COL21A1: variants seen among roughly 807,000 people sequenced by gnomAD.
COL21A1 encodes collagen type XXI alpha 1 chain, also known as collagen alpha-1(XXI) chain.
COL21A1 carries 149 observed loss-of-function variants against 137.9 expected under a neutral mutation model. The ratio of observed to expected loss-of-function variants is 1.08; its 90% CI spans 0.95 to 1.24. COL21A1 has a LOEUF of 1.24. Ranked by LOEUF, COL21A1 falls within the 50% of genes most tolerant of loss-of-function variation. The pLI, the probability that COL21A1 is intolerant of heterozygous loss-of-function variation, is 0.00. For missense variants in COL21A1, 1,167 were observed against 1,158.4 expected (o/e 1.01, Z -0.11); for synonymous variants, 456 against 391.5 (o/e 1.16, Z -1.95).
At position 56,168,217 on chromosome 6, in the gene COL21A1, T is replaced by C. The variant is rs767958031; in HGVS notation, c.1107A>G (p.Gln369=). ...QDVTLYIDDQ[Q]IENKPLHPVL... is the part of the protein sequence containing the mutation. Reference sequence around the variant, plus strand: ...CTGGATGTAAGGGCTTGTTTTCAATTTGTTGGTCATCAATATACAAAGTCA... The same window carrying C: ...CTGGATGTAAGGGCTTGTTTTCAATCTGTTGGTCATCAATATACAAAGTCA... The change falls in exon 6 of 30, where the codon CAA becomes CAG. Residue 369 remains glutamine, a synonymous_variant. Coordinates refer to ENST00000244728, the MANE Select transcript of COL21A1 (RefSeq NM_030820.4). 1.9e-5 allele frequency: 30 copies of C among 1,571,398 alleles called. No individual in the cohort carries two copies. Among genetic ancestry groups the C allele is most frequent in the Non-Finnish European group, 2.2e-5 (25 of 1,155,954 alleles).
rs1267319377 is a variant in COL21A1 at position 56,117,544 on chromosome 6, C to A, written c.1758+6518G>T. On this transcript the variant is annotated intron_variant, in intron 16 of 29. Transcript: ENST00000244728. ...ACAGATTTTCCAGATAGAAAATCAACAAAGAAACATTAGACTTAATCTGCA... is the reference window on the plus strand; with the variant it reads ...ACAGATTTTCCAGATAGAAAATCAAAAAAGAAACATTAGACTTAATCTGCA... 9.2e-5 allele frequency among the ~76,000 whole-genome samples: 14 copies of A among 151,918 alleles called. No individual in the cohort carries two copies. In the East Asian group the frequency reaches 2.7e-3, roughly 29 times the overall value.
In COL21A1 at chr6:56,166,761, C is replaced by T. The variant is rs747596171; in HGVS notation, c.1278+145G>A. Reference sequence around the variant, plus strand: ...AATTATAACCTCAAAATATGTTTTGCTTCATGTAACTTCACTTCCACTAAC... The same window carrying T: ...AATTATAACCTCAAAATATGTTTTGTTTCATGTAACTTCACTTCCACTAAC... On this transcript the variant is annotated intron_variant, in intron 7 of 29. Coordinates refer to ENST00000244728, the MANE Select transcript of COL21A1 (RefSeq NM_030820.4). 6 of 724,294 alleles carry T rather than the reference C, an allele frequency of 8.3e-6. No individual in the cohort carries two copies. In the African/African-American group the frequency reaches 8.7e-5, roughly 11 times the overall value. The allele number at this position is 724,294 out of a possible 1,614,324, so 44.9% of individuals were successfully genotyped here. A position where few individuals can be genotyped will look rare whatever the true frequency, so the allele number is the denominator to read the frequency against.
intron 1 of COL21A1, among the ~76,000 whole-genome samples, chr6:56,257,214 CTTTGT>C (rs1763108517): frequency 1.3e-5 from 2 of 152,266 alleles, no homozygotes; most frequent in Admixed American, 6.5e-5. Context: ...ATGATTAACA[CTTTGT>C]TTTATTATTG....
At chr6:56,156,593 G>A (rs1172382158) in intron 10 of COL21A1, among the ~76,000 whole-genome samples, 1 of 152,132 alleles carries the variant, frequency 6.6e-6, no homozygotes. Flanking sequence ...TTAGTAAAGG[G>A]AGATGGCCTG....
chr6:56,197,620 C>G (rs76915814), intron 1 of COL21A1, among the ~76,000 whole-genome samples: 10,340 of 152,080 alleles, frequency 0.068, 415 homozygotes, highest in South Asian at 0.12. Flanking sequence ...ATCACTACAT[C>G]ACTAGTTATC....
At position 56,345,274 on chromosome 6, in the gene COL21A1, G is replaced by T. The variant is rs539973870; in HGVS notation, c.-39+48697C>A. ...AAAGAATGCAACTGTGAAATAAGGT[G>T]CATGACTGCTGGGGGGAGATATTTG... On this transcript the variant is annotated intron_variant, in intron 1 of 28. Transcript: ENST00000370819. Among the ~76,000 whole-genome samples, 50 of 152,316 alleles carry T rather than the reference G, an allele frequency of 3.3e-4. No homozygotes were observed. In the South Asian group the frequency reaches 0.01, roughly 31 times the overall value.
intron 1 of COL21A1, among the ~76,000 whole-genome samples, chr6:56,301,684 T>C (rs1000571906): frequency 1.3e-5 from 2 of 151,296 alleles, no homozygotes; most frequent in Admixed American, 1.3e-4. Context: ...ACTAACCACA[T>C]GTGGCTATTT....
rs370717523 is a variant in COL21A1, at chr6:56,063,088, A to G, written c.2173-1407T>C. 2.6e-5 allele frequency among the ~76,000 whole-genome samples: 4 copies of G among 152,168 alleles called. No homozygotes were observed. In the East Asian group the frequency reaches 5.8e-4, roughly 22 times the overall value. On this transcript the variant is annotated intron_variant, in intron 24 of 29. Coordinates refer to ENST00000244728, the MANE Select transcript of COL21A1 (RefSeq NM_030820.4). Reference sequence around the variant, plus strand: ...AGCAACAGCTGCTCTGGCCCTGGGTACTCCATGTAGGCTAAGCTCCTGGTG... The same window carrying G: ...AGCAACAGCTGCTCTGGCCCTGGGTGCTCCATGTAGGCTAAGCTCCTGGTG...
chr6:56,065,976 G>A (rs550538135), intron 23 of COL21A1, among the ~76,000 whole-genome samples: 3 of 152,032 alleles, frequency 2.0e-5, no homozygotes, highest in African/African-American at 7.2e-5. Flanking sequence ...GAGGTAGAAG[G>A]TGTCAAGTTC....
chr6:56,321,324 T>C (rs1764862143), intron 1 of COL21A1, among the ~76,000 whole-genome samples: 1 of 152,172 alleles, frequency 6.6e-6, no homozygotes, highest in Non-Finnish European at 1.5e-5. Flanking sequence ...AAAAATTGGG[T>C]TCTCTAGGTT....
At chr6:56,289,373 C>T (rs1318995802) in intron 1 of COL21A1, among the ~76,000 whole-genome samples, 1 of 152,166 alleles carries the variant, frequency 6.6e-6, no homozygotes, top group Non-Finnish European at 1.5e-5. Context: ...ATCCTTGCAG[C>T]TTGTACATAT....
At chr6:56,103,329 C>T (rs1459388135) in intron 16 of COL21A1, among the ~76,000 whole-genome samples, 1 of 152,160 alleles carries the variant, frequency 6.6e-6, no homozygotes, top group Non-Finnish European at 1.5e-5. Flanking sequence ...ACTTCTCCTA[C>T]TTCCAGGTAC....
intron 16 of COL21A1, among the ~76,000 whole-genome samples, chr6:56,109,420 A>G (rs1017377873): frequency 6.6e-6 from 1 of 151,886 alleles, no homozygotes; most frequent in African/African-American, 2.4e-5. Flanking sequence ...AGGAACTTGC[A>G]CAATTTTATA....
rs1582199443 is a variant in COL21A1 at position 56,057,212 on chromosome 6, A to G, written c.*445T>C. 1 of 237,338 alleles carries G rather than the reference A, an allele frequency of 4.2e-6. No individual in the cohort carries two copies. The highest frequency in any genetic ancestry group is 8.1e-6 in the Non-Finnish European group (1 of 123,546). 14.7% of individuals were successfully genotyped at this position (237,338 alleles called of 1,614,324 possible). ...CTATCCCAGGTGAATATCAGCCCTG[A>G]TCTTACTTCCAATGATGAGATACAT... On this transcript the variant is annotated 3_prime_UTR_variant, in exon 30 of 30. Coordinates refer to ENST00000244728, the MANE Select transcript of COL21A1 (RefSeq NM_030820.4).
At chr6:56,265,171 G>A (rs902601671) in intron 1 of COL21A1, among the ~76,000 whole-genome samples, 1 of 152,168 alleles carries the variant, frequency 6.6e-6, no homozygotes, top group African/African-American at 2.4e-5. Context: ...AAGCTACTTG[G>A]AAAATTAAGA....
intron 1 of COL21A1, among the ~76,000 whole-genome samples, chr6:56,256,547 T>C (rs1014980066): frequency 6.6e-6 from 1 of 152,190 alleles, no homozygotes; most frequent in South Asian, 2.1e-4. Flanking sequence ...GCATAACTTA[T>C]GTGCAGTATC....
At chr6:56,057,997 C>T (rs2114014475) in intron 29 of COL21A1, among the ~76,000 whole-genome samples, 153 bp from the exon 30 acceptor site, 1 of 151,574 alleles carries the variant, frequency 6.6e-6, no homozygotes, top group South Asian at 2.1e-4. Flanking sequence ...CTTGATAATT[C>T]TACATGTCTT....
At position 56,156,870 on chromosome 6, in the gene COL21A1, A is replaced by C. The variant is rs375162724; in HGVS notation, c.1434+17T>G. 3.7e-6 allele frequency: 6 copies of C among 1,604,176 alleles called. No individual in the cohort carries two copies. In the African/African-American group the frequency reaches 8.0e-5, roughly 21 times the overall value. ...AATCCCAGATATACCGGAGATGACTAAGCTTTCAGTACTCACAGGCTTACC... is the reference window on the plus strand; with the variant it reads ...AATCCCAGATATACCGGAGATGACTCAGCTTTCAGTACTCACAGGCTTACC... On this transcript the variant is annotated intron_variant, in intron 10 of 29. Transcript: ENST00000244728.
At chr6:56,248,957 C>T (rs1174452730), upstream of COL21A1, among the ~76,000 whole-genome samples, 2 of 152,032 alleles carry the variant, frequency 1.3e-5, no homozygotes, top group African/African-American at 4.8e-5. Flanking sequence ...AGTAAACAGC[C>T]CACATACTAA....
Sources: gnomAD v4.1 joint callset for allele counts (sites outside exome capture counted in the v4.1 genomes callset) on GRCh38, gnomAD v4.1.1 for gene constraint, MANE v1.5 for transcripts, NCBI Gene and HGNC (gene_info 2026-07-23, HGNC 2026-07-21) for gene names.